Variants in MBD1 observed in about 807,000 individuals in gnomAD.
MBD1 encodes methyl-CpG binding domain protein 1.
In MBD1, 25 loss-of-function variants were observed where a neutral mutation model predicts 82.6. That is an observed-to-expected ratio of 0.30 (90% CI 0.22 to 0.42). The LOEUF (loss-of-function observed/expected upper bound fraction) is 0.42. MBD1 is among the 10% of genes least tolerant of loss of function. MBD1 has a pLI of 1.00. For missense variants in MBD1, 627 were observed against 819.6 expected (o/e 0.76, Z 2.87); for synonymous variants, 301 against 303.7 (o/e 0.99, Z 0.09).
At chr18:50,276,029 T>C in intron 6 of MBD1, 48 bp from the exon 7 acceptor site, 1 of 1,590,050 alleles carries the variant, frequency 6.3e-7, no homozygotes, top group South Asian at 1.1e-5. Flanking sequence ...CCAGAAGCAC[T>C]GGTCCTCCCA....
intron 10 of MBD1, 87 bp downstream of exon 10, chr18:50,274,890 A>G: frequency 2.2e-6 from 3 of 1,382,138 alleles, no homozygotes; most frequent in Non-Finnish European, 2.0e-6. Context: ...GCTGTTCCCC[A>G]ATAGGCTCAT....
chr18:50,268,554 C>T (rs539511463), downstream of MBD1, among the ~76,000 whole-genome samples: 237 of 152,366 alleles, frequency 1.6e-3, no homozygotes, highest in African/African-American at 5.4e-3. Flanking sequence ...GGGTGACGAG[C>T]GGTGCCTCCA....
intron 16 of MBD1, 129 bp from the exon 17 acceptor site, chr18:50,269,947 T>TA: frequency 7.0e-7 from 1 of 1,424,444 alleles, no homozygotes. Context: ...ATCTTTATCT[T>TA]AGTGGTTCTG....
At position 50,279,941 on chromosome 18, in the gene MBD1, G is replaced by A; in HGVS notation, c.52C>T (p.Arg18Cys). 1.2e-6 allele frequency: 2 copies of A among 1,613,168 alleles called. No homozygotes were observed. The highest frequency in any genetic ancestry group is 1.7e-6 in the Non-Finnish European group (2 of 1,179,984). The part of the protein sequence containing the change: ...CPALGPGWKR[R>C]EVFRKSGATC... ...GCCCCTGACTTGCGAAAGACTTCGC[G>A]GCGCTTCCAGCCAGGGCCCAGGGCC... Residue 18 changes from arginine (R) to cysteine (C), a missense_variant, in exon 2 of 17, where the codon CGC (arginine) becomes TGC (cysteine). Arg to Cys is a radical substitution (Grantham distance 180, BLOSUM62 -3). Around this residue, in one of 6 missense-constraint regions of MBD1, gnomAD observed 42 missense variants for 90.4 expected, o/e 0.46. Coordinates refer to ENST00000269468, the MANE Select transcript of MBD1 (RefSeq NM_015846.4).
rs1295891709 is a variant in MBD1 at position 50,281,504 on chromosome 18, C to T, written c.-167G>A. 1.7e-6 allele frequency: 1 copy of T among 579,434 alleles called. No individual in the cohort carries two copies. Among genetic ancestry groups the T allele is most frequent in the Non-Finnish European group, 3.1e-6 (1 of 326,222 alleles). 35.9% of individuals were successfully genotyped at this position (579,434 alleles called of 1,614,324 possible). ...CCTCTGAAGCGGTAGCTGTCGCCTC[C>T]GCGGCTGTTCGTTGCTCCCGGAACC... On this transcript the variant is annotated 5_prime_UTR_variant, in exon 1 of 17. Transcript: ENST00000269468.
At chr18:50,278,220 G>A (rs989833363) in intron 2 of MBD1, among the ~76,000 whole-genome samples, 2 of 152,106 alleles carry the variant, frequency 1.3e-5, no homozygotes, top group African/African-American at 4.8e-5. Flanking sequence ...TACTCAAAAC[G>A]GCACACAATT....
chr18:50,271,630 C>T, intron 15 of MBD1, 90 bp from the exon 16 acceptor site: 2 of 1,319,446 alleles, frequency 1.5e-6, no homozygotes, highest in Non-Finnish European at 2.2e-6. Flanking sequence ...TATTCTGTGT[C>T]CTCCATCCAC....
chr18:50,275,121 G>A lies in MBD1; in HGVS notation c.909+8C>T. 1 of 1,613,692 alleles carries A rather than the reference G, an allele frequency of 6.2e-7. No homozygotes were observed. Among genetic ancestry groups the A allele is most frequent in the Non-Finnish European group, 8.5e-7 (1 of 1,179,646 alleles). On this transcript the variant is annotated splice_region_variant and intron_variant, in intron 9 of 16. Transcript: ENST00000269468. ...GTTGTGCCTTCCCTCCACCCACTGG[G>A]GCCTCACCGGCTCTGTGGGCTCTGG...
At chr18:50,274,698 G>A (rs2037041003) in intron 10 of MBD1, among the ~76,000 whole-genome samples, 1 of 152,134 alleles carries the variant, frequency 6.6e-6, no homozygotes, top group South Asian at 2.1e-4. Context: ...CCATCACTGT[G>A]CCTACTCTGT....
chr18:50,276,399 G>A lies in MBD1; in HGVS notation c.495C>T (p.Asn165=), dbSNP rs1265866252. The change falls in exon 6 of 17, where the codon AAC becomes AAT. Residue 165 remains asparagine (N), a synonymous_variant. Transcript: ENST00000269468. The part of the protein sequence containing the change: ...KDCRAQRIAF[N]REQRMFKRVG... The stretch of plus-strand genomic sequence containing the variant: ...TTACCTTAAACATTCTCTGTTCCCG[G>A]TTGAAGGCAATTCTCTGTGCTGTGG... The A allele has an allele frequency of 1.4e-5, 23 of 1,614,066 alleles. No homozygotes were observed. The highest frequency in any genetic ancestry group is 1.6e-5 in the Non-Finnish European group (19 of 1,180,040).
chr18:50,270,925 T>C lies in MBD1; in HGVS notation c.*32+544A>G, dbSNP rs534457897. ...CTCTACTAACACCAGCTGTTCGACA[T>C]TGGACAAATTAATGAGTCTCAGTTT... On this transcript the variant is annotated intron_variant, in intron 16 of 16. Coordinates refer to ENST00000269468, the MANE Select transcript of MBD1 (RefSeq NM_015846.4). 6.2e-5 allele frequency: 36 copies of C among 581,080 alleles called. No individual in the cohort carries two copies. The East Asian group carries it at 1.4e-3, about 23-fold the overall frequency. The allele number at this position is 581,080 out of a possible 1,614,324, so 36.0% of individuals were successfully genotyped here. A position where few individuals can be genotyped will look rare whatever the true frequency, so the allele number is the denominator to read the frequency against.
chr18:50,267,748 A>G, downstream of MBD1: 3 of 844,654 alleles, frequency 3.6e-6, no homozygotes, highest in South Asian at 1.4e-5. Flanking sequence ...CATGCAACAA[A>G]TCAGTACCTA....
rs189423487 is a variant in MBD1, at chr18:50,281,483, T to C, written c.-146A>G. 6.8e-6 allele frequency: 4 copies of C among 589,052 alleles called. No individual in the cohort carries two copies. The East Asian group carries it at 8.5e-5, about 13-fold the overall frequency. The allele number at this position is 589,052 out of a possible 1,614,324, so 36.5% of individuals were successfully genotyped here. A position where few individuals can be genotyped will look rare whatever the true frequency, so the allele number is the denominator to read the frequency against. ...CCTCCTCCTCCGCGGCCGCCTCCTC[T>C]GAAGCGGTAGCTGTCGCCTCCGCGG... On this transcript the variant is annotated 5_prime_UTR_variant, in exon 1 of 17. Coordinates refer to ENST00000269468, the MANE Select transcript of MBD1 (RefSeq NM_015846.4).
rs757936188 is a variant in MBD1, at chr18:50,275,030, C to T, written c.925G>A (p.Ala309Thr). 5.6e-6 allele frequency: 9 copies of T among 1,614,126 alleles called. No individual in the cohort carries two copies. Among genetic ancestry groups the T allele is most frequent in the Non-Finnish European group, 7.6e-6 (9 of 1,180,012 alleles). The change falls in exon 10 of 17, where the codon GCC (alanine) becomes ACC (threonine). Residue 309 changes from alanine (A) to threonine (T), a missense_variant. Physicochemically the swap from Ala to Thr is moderately conservative, Grantham distance 58 (BLOSUM62 0). Transcript: ENST00000269468. ...EPTEPHPRAL[A>T]PSPPAEFIYY... ...ATGAACTCGGCAGGTGGCGAGGGGG[C>T]CAGGGCTCTGGGGTGCTGTAGAGGC... is the stretch of plus-strand genomic sequence containing the variant.
In MBD1 at chr18:50,277,129, G is replaced by A. The variant is rs772372557; in HGVS notation, c.186C>T (p.Phe62=). ...YLGPACDLTL[F]DFKQGILCYP... ...AGCACAAGATGCCTTGTTTGAAGTC[G>A]AAGAGGGTGAGATCACACGCAGGGC... The change falls in exon 3 of 17, where the codon TTC becomes TTT. Residue 62 remains phenylalanine, a synonymous_variant. Coordinates refer to ENST00000269468, the MANE Select transcript of MBD1 (RefSeq NM_015846.4). 21 of 1,614,102 alleles carry A rather than the reference G, an allele frequency of 1.3e-5. No homozygotes were observed. The highest frequency in any genetic ancestry group is 4.4e-5 in the South Asian group (4 of 91,078).
Position 50,272,640 on chromosome 18 carries a change from C to A in MBD1, c.1778+37G>T, listed in dbSNP as rs572528700. 5.0e-6 allele frequency: 8 copies of A among 1,612,556 alleles called. No homozygotes were observed. In the South Asian group the frequency reaches 6.6e-5, roughly 13 times the overall value. ...ACTCAGGGCCCACATCTGGCCAACA[C>A]CCACTCCTTCCCCACCCCTCACTGT... On this transcript the variant is annotated intron_variant, in intron 15 of 16. Coordinates refer to ENST00000269468, the MANE Select transcript of MBD1 (RefSeq NM_015846.4).
At chr18:50,276,498 T>C in intron 5 of MBD1, 80 bp from the exon 6 acceptor site, 1 of 1,500,968 alleles carries the variant, frequency 6.7e-7, no homozygotes, top group Non-Finnish European at 9.3e-7. Context: ...GTGCCCTGAC[T>C]TCCACTATTC....
chr18:50,271,217 C>T (rs2035370171), intron 16 of MBD1: 2 of 1,354,328 alleles, frequency 1.5e-6, no homozygotes, highest in Non-Finnish European at 1.9e-6. Flanking sequence ...AACCCAGCTC[C>T]CCCACCCTTA....
In MBD1 at chr18:50,276,102, C is replaced by T. The variant is rs1038627992; in HGVS notation, c.517-121G>A. On this transcript the variant is annotated intron_variant, in intron 6 of 16. Coordinates refer to ENST00000269468, the MANE Select transcript of MBD1 (RefSeq NM_015846.4). ...TTTTAGTCCCCCATTAGCCTCATCA[C>T]CGTATCTGAGAAGGTCTGGTTAGTC... 3.1e-6 allele frequency: 4 copies of T among 1,297,348 alleles called. No homozygotes were observed. In the African/African-American group the frequency reaches 5.9e-5, roughly 19 times the overall value. 80.4% of individuals were successfully genotyped at this position (1,297,348 alleles called of 1,614,324 possible). A position where few individuals can be genotyped will look rare whatever the true frequency, so the allele number is the denominator to read the frequency against.
Sources: gnomAD v4.1 joint callset for allele counts (sites outside exome capture counted in the v4.1 genomes callset) on GRCh38, gnomAD v4.1.1 for gene constraint, gnomAD v4.1.1 regional missense constraint, MANE v1.5 for transcripts, NCBI Gene and HGNC (gene_info 2026-07-23, HGNC 2026-07-21) for gene names.